The following M1AP variants were observed in gnomAD, a reference collection of about 807,000 sequenced individuals.
M1AP encodes the protein meiosis 1 arrest protein.
In M1AP, 39 loss-of-function variants were observed where a neutral mutation model predicts 51.2. The ratio of observed to expected loss-of-function variants is 0.76; its 90% CI spans 0.59 to 1.00. The LOEUF (loss-of-function observed/expected upper bound fraction) is 1.00. Ranked by LOEUF, M1AP falls within the 50% of genes least tolerant of loss-of-function variation. M1AP has a pLI of 0.00. For synonymous variants in M1AP, 251 were observed against 249.2 expected (o/e 1.01, Z -0.07); for missense variants, 545 against 641.2 (o/e 0.85, Z 1.62).
intron 2 of M1AP, among the ~76,000 whole-genome samples, chr2:74,627,518 C>CTTTTAT (rs996135950): frequency 6.6e-5 from 10 of 152,066 alleles, no homozygotes; most frequent in African/African-American, 1.4e-4. Context: ...ATCTAGAATA[C>CTTTTAT]TTTTATTTTT....
intron 4 of M1AP, among the ~76,000 whole-genome samples, chr2:74,592,007 T>C (rs1007202255): frequency 6.6e-6 from 1 of 152,068 alleles, no homozygotes; most frequent in African/African-American, 2.4e-5. Context: ...TTTCACTATG[T>C]TGGCCAGGCT....
intron 3 of M1AP, among the ~76,000 whole-genome samples, chr2:74,608,599 CA>C (rs1469789480): frequency 6.6e-6 from 1 of 152,154 alleles, no homozygotes; most frequent in Non-Finnish European, 1.5e-5. Flanking sequence ...GGGTAAATAC[CA>C]AGAAGCATGA....
chr2:74,603,684 C>T (rs1680802055), intron 4 of M1AP, among the ~76,000 whole-genome samples: 1 of 152,300 alleles, frequency 6.6e-6, no homozygotes, highest in South Asian at 2.1e-4. Flanking sequence ...GACAGGAGGA[C>T]ACACAGTGAG....
intron 2 of M1AP, among the ~76,000 whole-genome samples, chr2:74,635,737 T>C (rs1682954020): frequency 6.6e-6 from 1 of 152,148 alleles, no homozygotes; most frequent in South Asian, 2.1e-4. Flanking sequence ...TTTTGACCAA[T>C]GGATTATTTA....
chr2:74,564,969 C>T (rs1328587707), intron 7 of M1AP, among the ~76,000 whole-genome samples: 10 of 152,160 alleles, frequency 6.6e-5, no homozygotes. Flanking sequence ...GCCTGTAATG[C>T]CAGCACTTTG....
chr2:74,606,165 C>T (rs1452224291), intron 4 of M1AP, among the ~76,000 whole-genome samples: 4 of 152,140 alleles, frequency 2.6e-5, no homozygotes. Context: ...CATGTGTGAG[C>T]CAAGGCTCAA....
intron 1 of M1AP, chr2:74,647,178 A>G (rs1042617769): frequency 9.2e-6 from 9 of 974,184 alleles, no homozygotes; most frequent in Non-Finnish European, 1.1e-5. Context: ...ACAGAATCCA[A>G]TATCTTTACC....
intron 2 of M1AP, among the ~76,000 whole-genome samples, chr2:74,623,898 A>G (rs1318824274): frequency 2.0e-5 from 3 of 152,154 alleles, no homozygotes; most frequent in African/African-American, 7.2e-5. Context: ...TCTCGAACTC[A>G]TGCGCTCAAG....
At chr2:74,567,632 G>A (rs1394822356) in intron 7 of M1AP, among the ~76,000 whole-genome samples, 2 of 152,224 alleles carry the variant, frequency 1.3e-5, no homozygotes, top group African/African-American at 4.8e-5. Flanking sequence ...TAAGCACCAT[G>A]AAGTGTTAAC....
intron 3 of M1AP, among the ~76,000 whole-genome samples, chr2:74,610,592 G>C (rs1681277365): frequency 2.0e-5 from 3 of 152,094 alleles, no homozygotes; most frequent in Non-Finnish European, 2.9e-5. Context: ...GGAACTACAG[G>C]TATGCACCAC....
At position 74,614,964 on chromosome 2, in the gene M1AP, C is replaced by T. The variant is rs1015036544; in HGVS notation, c.426G>A (p.Glu142=). The change falls in exon 3 of 11, where the codon GAG becomes GAA. Residue 142 remains glutamate, a splice_region_variant and synonymous_variant. Coordinates refer to ENST00000421985, the MANE Select transcript of M1AP (RefSeq NM_001321739.2). ...TRAALTYTSL[E]ITILTSQPGK... The stretch of plus-strand genomic sequence containing the variant: ...AGTCCTAAAGGCCAGCATCACTTAC[C>T]TCCAGGGAGGTATAGGTCAGAGCTG... The T allele has an allele frequency of 1.2e-6, 2 of 1,613,756 alleles. No homozygotes were observed. Among genetic ancestry groups the T allele is most frequent in the African/African-American group, 2.7e-5 (2 of 74,910 alleles).
At chr2:74,618,887 C>A in intron 2 of M1AP, 1 of 519,246 alleles carries the variant, frequency 1.9e-6, no homozygotes. Flanking sequence ...TTCAGTCTTA[C>A]AGCTCTTGAC....
intron 2 of M1AP, among the ~76,000 whole-genome samples, chr2:74,632,609 C>T (rs72907301): frequency 0.029 from 4,471 of 152,234 alleles, 196 homozygotes; most frequent in African/African-American, 0.1. Flanking sequence ...CATGTCTGCA[C>T]TTATCTTCAA....
intron 1 of M1AP, among the ~76,000 whole-genome samples, chr2:74,645,611 T>C (rs1235351386): frequency 6.6e-6 from 1 of 152,218 alleles, no homozygotes; most frequent in Non-Finnish European, 1.5e-5. Flanking sequence ...GCAACGACTC[T>C]ATGACCTGGA....
chr2:74,599,711 T>C lies in M1AP; in HGVS notation c.595+7344A>G, dbSNP rs188258497. On this transcript the variant is annotated intron_variant, in intron 4 of 10. Transcript: ENST00000421985. ...AACCCCTGGCCCTAATATGTATCTT[T>C]ACTTCTAAAATATAGAATACATATA... Among the ~76,000 whole-genome samples, 17 of 152,314 alleles carry C rather than the reference T, an allele frequency of 1.1e-4. No homozygotes were observed. The East Asian group carries it at 2.7e-3, about 24-fold the overall frequency.
intron 8 of M1AP, among the ~76,000 whole-genome samples, chr2:74,561,482 G>A (rs1014917334): frequency 3.3e-5 from 5 of 151,356 alleles, no homozygotes; most frequent in Admixed American, 1.3e-4. Context: ...GTGCACAGGC[G>A]CATCTACACC....
At chr2:74,563,140 G>C (rs1165082490) in intron 7 of M1AP, among the ~76,000 whole-genome samples, 1 of 152,092 alleles carries the variant, frequency 6.6e-6, no homozygotes, top group Admixed American at 6.6e-5. Flanking sequence ...CAGCACTTTG[G>C]GAGGCCAAGC....
At chr2:74,642,534 A>G (rs1163971505) in intron 1 of M1AP, among the ~76,000 whole-genome samples, 2 of 152,236 alleles carry the variant, frequency 1.3e-5, no homozygotes, top group Non-Finnish European at 2.9e-5. Context: ...TCATGGTGAT[A>G]TGTTGAAAGC....
intron 4 of M1AP, among the ~76,000 whole-genome samples, chr2:74,584,726 A>G (rs985690045): frequency 6.0e-5 from 9 of 150,300 alleles, no homozygotes; most frequent in African/African-American, 1.7e-4. Flanking sequence ...GGTGAGGCCA[A>G]TGAAAAAGTT....
Sources: allele counts gnomAD v4.1 joint callset (sites outside exome capture counted in the v4.1 genomes callset), GRCh38; gene constraint gnomAD v4.1.1; transcripts MANE v1.5; gene names NCBI Gene and HGNC (gene_info 2026-07-23, HGNC 2026-07-21).